SCN10A: variants seen among roughly 807,000 people sequenced by gnomAD.
SCN10A encodes the protein sodium voltage-gated channel alpha subunit 10, also known as sodium channel protein type 10 subunit alpha.
Under a neutral mutation model 170.7 loss-of-function variants are expected in SCN10A, and 162 were observed. The observed-to-expected ratio is 0.95, with a 90% CI of 0.84 to 1.08. SCN10A has a LOEUF of 1.08. Among genes scored for constraint, SCN10A ranks in the 50% least tolerant of loss-of-function variants. The probability of loss-of-function intolerance (pLI) is 0.00; values close to 1 mark genes in which losing one functional copy is unlikely to be tolerated. For missense variants in SCN10A, 2,527 were observed against 2,436.9 expected (o/e 1.04, Z -0.78); for synonymous variants, 985 against 904.6 (o/e 1.09, Z -1.59).
rs2063104838 is a variant in SCN10A, at chr3:38,697,613, G to A, written c.5607C>T (p.Arg1869=). 4 of 1,614,202 alleles carry A rather than the reference G, an allele frequency of 2.5e-6. No individual in the cohort carries two copies. The highest frequency in any genetic ancestry group is 2.5e-6 in the Non-Finnish European group (3 of 1,180,022). Residue 1869 remains arginine (R), a synonymous_variant, in exon 28 of 28, where the codon CGC becomes CGT. Coordinates refer to ENST00000449082, the MANE Select transcript of SCN10A (RefSeq NM_006514.4). ...QKAYRSYVLH[R]SMALSNTPCV... ...ATGGGGTGTTAGAGAGTGCCATGGA[G>A]CGGTGCAGCACATAGCTCCGATAGG...
chr3:38,759,044 A>C (rs1013988692), intron 8 of SCN10A, among the ~76,000 whole-genome samples: 1 of 152,204 alleles, frequency 6.6e-6, no homozygotes, highest in African/African-American at 2.4e-5. Flanking sequence ...CAGTCCAAGG[A>C]ACCTGATGTT....
intron 1 of SCN10A, among the ~76,000 whole-genome samples, chr3:38,796,756 T>A (rs190546726): frequency 2.0e-5 from 3 of 152,282 alleles, no homozygotes; most frequent in South Asian, 2.1e-4. Context: ...CTATATGAAG[T>A]CTATGTTAGG....
intron 5 of SCN10A, among the ~76,000 whole-genome samples, chr3:38,769,667 G>C (rs2063976557): frequency 6.6e-6 from 1 of 152,146 alleles, no homozygotes; most frequent in African/African-American, 2.4e-5. Flanking sequence ...TGCTTTTCTG[G>C]TTCCTTCTCA....
chr3:38,712,074 C>T (rs1397131152), intron 23 of SCN10A, 87 bp downstream of exon 23: 1 of 1,353,514 alleles, frequency 7.4e-7, no homozygotes, highest in South Asian at 1.3e-5. Context: ...TTGCAAAGTC[C>T]CCACATAGCA....
Position 38,698,559 on chromosome 3 carries a change from A to C in SCN10A, c.4661T>G (p.Leu1554Arg). ...TGACTTAAGAATTGCAGAAAAAATC[A>C]GGCCTTTAAAAGAAGGAAGAAATTA... ...FIVVVLSIASLIFSAILKSLQ... is the reference protein window; with the variant it reads ...FIVVVLSIASRIFSAILKSLQ... The change falls in exon 28 of 28, where the codon CTG becomes CGG. Residue 1554 changes from leucine to arginine, a missense_variant. By Grantham distance (102) the Leu-to-Arg change is moderately radical. Coordinates refer to ENST00000449082, the MANE Select transcript of SCN10A (RefSeq NM_006514.4). 1 of 1,610,178 alleles carries C rather than the reference A, an allele frequency of 6.2e-7. No homozygotes were observed. The highest frequency in any genetic ancestry group is 8.5e-7 in the Non-Finnish European group (1 of 1,176,824).
chr3:38,750,196 C>A lies in SCN10A; in HGVS notation c.1756-12G>T, dbSNP rs749436136. ...CCTGCATCGAATGCCTGTTGAGACACAAACAGAGTCAGGACGCTCCTTTAA... is the reference window on the plus strand; with the variant it reads ...CCTGCATCGAATGCCTGTTGAGACAAAAACAGAGTCAGGACGCTCCTTTAA... On this transcript the variant is annotated splice_polypyrimidine_tract_variant and intron_variant, in intron 12 of 27. Transcript: ENST00000449082. 5.2e-6 allele frequency: 8 copies of A among 1,530,362 alleles called. No individual in the cohort carries two copies. In the Admixed American group the frequency reaches 1.3e-4, roughly 26 times the overall value. 94.8% of individuals were successfully genotyped at this position (1,530,362 alleles called of 1,614,324 possible).
chr3:38,738,153 A>G (rs2063591288), intron 15 of SCN10A, among the ~76,000 whole-genome samples: 1 of 151,668 alleles, frequency 6.6e-6, no homozygotes, highest in African/African-American at 2.4e-5. Context: ...GTTGCCCTTG[A>G]ACTCCTGGGC....
At chr3:38,745,452 C>T (rs1444043993) in intron 13 of SCN10A, among the ~76,000 whole-genome samples, 1 of 152,024 alleles carries the variant, frequency 6.6e-6, no homozygotes, top group Non-Finnish European at 1.5e-5. Context: ...CATTAGCATG[C>T]AAATATGCTC....
At chr3:38,718,126 G>A (rs62242435) in intron 21 of SCN10A, among the ~76,000 whole-genome samples, 34,610 of 152,116 alleles carry the variant, frequency 0.23, 4,256 homozygotes, top group East Asian at 0.4. Flanking sequence ...GGAAATGCCT[G>A]GGAGCATTTA....
At chr3:38,718,101 C>T (rs2063351190) in intron 21 of SCN10A, among the ~76,000 whole-genome samples, 1 of 152,208 alleles carries the variant, frequency 6.6e-6, no homozygotes, top group South Asian at 2.1e-4. Context: ...TGGTTCTAAG[C>T]CATGGCTGCA....
chr3:38,746,922 T>G (rs909529911), intron 13 of SCN10A, among the ~76,000 whole-genome samples: 15 of 152,192 alleles, frequency 9.9e-5, no homozygotes, highest in Admixed American at 2.6e-4. Flanking sequence ...TTGAGTTCAG[T>G]GAATTGTCAA....
At chr3:38,742,243 C>G in intron 14 of SCN10A, 48 bp downstream of exon 14, 1 of 1,413,398 alleles carries the variant, frequency 7.1e-7, no homozygotes, top group Non-Finnish European at 9.9e-7. Context: ...ATCATCCCCA[C>G]CCCGCCCCGA....
chr3:38,741,227 C>CGGACATGAAGGCAGGA (rs1193926201), intron 14 of SCN10A, among the ~76,000 whole-genome samples: 4 of 152,038 alleles, frequency 2.6e-5, no homozygotes, highest in African/African-American at 9.7e-5. Context: ...GACCCTGCTG[C>CGGACATGAAGGCAGGA]GGACATGAAG....
At chr3:38,720,650 T>G (rs551407725) in intron 20 of SCN10A, among the ~76,000 whole-genome samples, 2 of 151,106 alleles carry the variant, frequency 1.3e-5, no homozygotes, top group South Asian at 4.2e-4. Context: ...GGGGGCGGGC[T>G]GGGCTGGCGC....
At chr3:38,735,098 A>C (rs2063546609) in intron 15 of SCN10A, among the ~76,000 whole-genome samples, 1 of 143,394 alleles carries the variant, frequency 7.0e-6, no homozygotes, top group African/African-American at 2.6e-5. Flanking sequence ...TGAACCCGGG[A>C]GGTGGAGCTG....
At chr3:38,808,904 G>A (rs984689018) in intron 1 of SCN10A, among the ~76,000 whole-genome samples, 2 of 152,198 alleles carry the variant, frequency 1.3e-5, no homozygotes, top group African/African-American at 4.8e-5. Flanking sequence ...TCTGGGGTTA[G>A]GTAGCCCTGG....
intron 1 of SCN10A, among the ~76,000 whole-genome samples, chr3:38,798,273 C>T (rs2064351348): frequency 6.6e-6 from 1 of 152,102 alleles, no homozygotes; most frequent in South Asian, 2.1e-4. Flanking sequence ...CCAGTCCTGT[C>T]CCTTATTGGT....
At chr3:38,760,856 C>T (rs2063862057) in intron 7 of SCN10A, 109 bp from the exon 8 acceptor site, 1 of 857,146 alleles carries the variant, frequency 1.2e-6, no homozygotes, top group Admixed American at 2.0e-5. Context: ...GCTCCTTTGG[C>T]TACATGTACT....
intron 1 of SCN10A, among the ~76,000 whole-genome samples, chr3:38,808,952 TTTG>T (rs1575188932): frequency 6.6e-6 from 1 of 152,180 alleles, no homozygotes. Flanking sequence ...TGGACGTGTT[TTTG>T]TTGTTGTTGT....
Sources: gnomAD v4.1 joint callset for allele counts (sites outside exome capture counted in the v4.1 genomes callset) on GRCh38, gnomAD v4.1.1 for gene constraint, MANE v1.5 for transcripts, NCBI Gene and HGNC (gene_info 2026-07-23, HGNC 2026-07-21) for gene names.